The following SNX20 variants were observed in gnomAD, a reference collection of about 807,000 sequenced individuals.
SNX20 encodes the protein sorting nexin-20.
Under a neutral mutation model 24.5 loss-of-function variants are expected in SNX20, and 21 were observed. The ratio of observed to expected loss-of-function variants is 0.86; its 90% CI spans 0.61 to 1.23. SNX20 has a LOEUF of 1.23. Among genes scored for constraint, SNX20 ranks in the 50% most tolerant of loss-of-function variants. SNX20 has a pLI of 0.00. For synonymous variants in SNX20, 206 were observed against 192.8 expected (o/e 1.07, Z -0.57); for missense variants, 433 against 430.8 (o/e 1.00, Z -0.04).
intron 1 of SNX20, 47 bp from the exon 2 acceptor site, chr16:50,677,582 T>A: frequency 6.9e-7 from 1 of 1,446,278 alleles, no homozygotes; most frequent in Non-Finnish European, 9.2e-7. Context: ...CAGTTGGGGT[T>A]CCCGGTGGCT....
chr16:50,680,931 C>A (rs960986409), intron 1 of SNX20, among the ~76,000 whole-genome samples: 1 of 152,204 alleles, frequency 6.6e-6, no homozygotes, highest in African/African-American at 2.4e-5. Context: ...TTGAGAAACA[C>A]AGGTGTGGTG....
In SNX20 at chr16:50,673,328, A is replaced by G. The variant is rs527900898; in HGVS notation, c.*78T>C. The G allele has an allele frequency of 1.6e-5, 22 of 1,391,626 alleles. No homozygotes were observed. In the African/African-American group the frequency reaches 2.8e-4, roughly 18 times the overall value. 86.2% of individuals were successfully genotyped at this position (1,391,626 alleles called of 1,614,324 possible). On this transcript the variant is annotated 3_prime_UTR_variant, in exon 4 of 4. Coordinates refer to ENST00000330943, the MANE Select transcript of SNX20 (RefSeq NM_182854.4). This position sits in a 1 kb window ranked among gnomAD's most constrained non-coding sequence, Gnocchi z 4.1. ...AACAAAAAAGAAAAGGAAAAATAAA[A>G]AAAAAGAACCCCAAACAGCCCACTG...
chr16:50,677,407 G>C lies in SNX20; in HGVS notation c.120C>G (p.Asp40Glu). The change falls in exon 2 of 4, where the codon GAC becomes GAG. Residue 40 changes from aspartate (D) to glutamate (E), a missense_variant. Physicochemically the swap from Asp to Glu is conservative, Grantham distance 45. Transcript: ENST00000330943. ...AAGCCTCAAGCCCACCTAAGTGCCC[G>C]TCAGGTCCTGGGTGCGGGAGGTCGG... ...TGPDLPHPGP[D>E]GHLDTHSGLS... The C allele has an allele frequency of 6.3e-7, 1 of 1,593,578 alleles. No homozygotes were observed. Among genetic ancestry groups the C allele is most frequent in the Non-Finnish European group, 8.6e-7 (1 of 1,169,212 alleles).
downstream of SNX20, chr16:50,669,887 C>T (rs1342088852): frequency 3.9e-5 from 6 of 152,174 alleles, no homozygotes; most frequent in Non-Finnish European, 2.9e-5. Context: ...CACAGTAGGC[C>T]TGGGGAGCCC....
At chr16:50,668,121 GA>G (rs1962957786), downstream of SNX20, 2 of 1,550,244 alleles carry the variant, frequency 1.3e-6, no homozygotes, top group Non-Finnish European at 1.7e-6. Flanking sequence ...ACACAGGGCT[GA>G]ACACTCGAGT....
chr16:50,673,938 A>G lies in SNX20; in HGVS notation c.419T>C (p.Phe140Ser), dbSNP rs751734438. ...GTTCCCAGTCAGGTGCTTCCTGGGA[A>G]ACTCCACGTCTTCGATCTCCTCCCT... ...TFREEIEDVE[F>S]PRKHLTGNFA... The change falls in exon 4 of 4, where the codon TTT (phenylalanine) becomes TCT (serine). Residue 140 changes from phenylalanine (F) to serine (S), a missense_variant. Transcript: ENST00000330943. The surrounding 1 kb of genome is among the most constrained non-coding windows in gnomAD (Gnocchi z 4.1). The G allele has an allele frequency of 1.2e-6, 2 of 1,612,872 alleles. No homozygotes were observed. The highest frequency in any genetic ancestry group is 2.2e-5 in the South Asian group (2 of 90,878).
intron 1 of SNX20, among the ~76,000 whole-genome samples, chr16:50,680,831 A>T (rs997310037): frequency 6.6e-6 from 1 of 152,186 alleles, no homozygotes; most frequent in African/African-American, 2.4e-5. Flanking sequence ...CTGCTAACAT[A>T]GGAAGGTGCC....
In SNX20 at chr16:50,673,508, G is replaced by A. The variant is rs764898274; in HGVS notation, c.849C>T (p.Asp283=). Residue 283 remains aspartate (D), a synonymous_variant, in exon 4 of 4, where the codon GAC becomes GAT. Transcript: ENST00000330943. The surrounding 1 kb of genome is among the most constrained non-coding windows in gnomAD (Gnocchi z 4.1). ...CCAGCCTCTCCTGCAGAGTCACGAA[G>A]TCCTTGCCCAGCGCGTAGGCCAGGC... ...MVRLAYALGK[D]FVTLQERLEE... The A allele has an allele frequency of 1.2e-6, 2 of 1,609,814 alleles. No individual in the cohort carries two copies. Among genetic ancestry groups the A allele is most frequent in the South Asian group, 1.1e-5 (1 of 90,668 alleles).
chr16:50,678,168 C>T (rs371095268), intron 1 of SNX20, among the ~76,000 whole-genome samples: 2 of 152,142 alleles, frequency 1.3e-5, no homozygotes, highest in East Asian at 3.8e-4. Flanking sequence ...TGCCACTGCA[C>T]TCCAGTCTGG....
intron 2 of SNX20, among the ~76,000 whole-genome samples, chr16:50,676,957 G>A (rs951478005): frequency 6.6e-6 from 1 of 152,230 alleles, no homozygotes; most frequent in African/African-American, 2.4e-5. Context: ...TCCAGAACAT[G>A]CCACTGGCTT....
chr16:50,668,368 A>T (rs1002563334), downstream of SNX20: 14 of 1,082,922 alleles, frequency 1.3e-5, 1 homozygote, highest in South Asian at 2.7e-4. Flanking sequence ...CTTTTAACAA[A>T]AGTCTACCAG....
chr16:50,675,724 G>A (rs371157956), intron 3 of SNX20, 46 bp downstream of exon 3: 20 of 1,605,804 alleles, frequency 1.2e-5, no homozygotes, highest in African/African-American at 2.7e-5. Context: ...GGGCCAGGAA[G>A]GAAGCAGAGT....
chr16:50,676,212 G>A (rs1963179438), intron 2 of SNX20, among the ~76,000 whole-genome samples: 1 of 151,766 alleles, frequency 6.6e-6, no homozygotes, highest in African/African-American at 2.4e-5. Flanking sequence ...TCCACTTCTG[G>A]TCTGTAGATT....
chr16:50,678,035 C>T (rs552791957), intron 1 of SNX20, among the ~76,000 whole-genome samples: 58 of 151,070 alleles, frequency 3.8e-4, no homozygotes, highest in African/African-American at 1.4e-3. Flanking sequence ...AGTGAGACCC[C>T]GTCTCTAGAA....
chr16:50,680,883 A>G (rs1021768960), intron 1 of SNX20, among the ~76,000 whole-genome samples: 1 of 152,178 alleles, frequency 6.6e-6, no homozygotes, highest in Non-Finnish European at 1.5e-5. Flanking sequence ...GAGTCCTCTA[A>G]GGCTGTGCTG....
chr16:50,666,484 G>T (rs1596784895), exon 4 of SNX20: 1 of 152,314 alleles, frequency 6.6e-6, no homozygotes, highest in South Asian at 2.1e-4. Flanking sequence ...CCCAAATAAG[G>T]ACATTTTGCA....
chr16:50,674,713 T>C (rs1357770356), intron 3 of SNX20, among the ~76,000 whole-genome samples: 1 of 152,218 alleles, frequency 6.6e-6, no homozygotes, highest in Non-Finnish European at 1.5e-5. Context: ...TTTTCTGAAC[T>C]GAGATGCTGT....
chr16:50,669,127 C>T (rs1435322294), downstream of SNX20: 13 of 1,425,956 alleles, frequency 9.1e-6, no homozygotes, highest in African/African-American at 1.4e-5. Context: ...TAAGTCATCT[C>T]TCCAGGCCTT....
chr16:50,673,763 G>T lies in SNX20; in HGVS notation c.594C>A (p.Ala198=). The T allele has an allele frequency of 6.6e-7, 1 of 1,525,676 alleles. No homozygotes were observed. The allele number at this position is 1,525,676 out of a possible 1,614,324, so 94.5% of individuals were successfully genotyped here. The change falls in exon 4 of 4, where the codon GCC becomes GCA. Residue 198 remains alanine (A), a synonymous_variant. Coordinates refer to ENST00000330943, the MANE Select transcript of SNX20 (RefSeq NM_182854.4). The surrounding 1 kb of genome is among the most constrained non-coding windows in gnomAD (Gnocchi z 4.1). ...GCTCCAGGGCGCGCGGGTACTGGCC[G>T]GCCCGCAGGCAGCCGAAAGCCTCGC... ...ELREAFGCLR[A]GQYPRALELL...
Sources: allele counts gnomAD v4.1 joint callset (sites outside exome capture counted in the v4.1 genomes callset), GRCh38; gene constraint gnomAD v4.1.1; non-coding constraint Gnocchi (gnomAD v3.1); transcripts MANE v1.5; gene names NCBI Gene and HGNC (gene_info 2026-07-23, HGNC 2026-07-21).